BCAS3: variants seen among roughly 807,000 people sequenced by gnomAD.
BCAS3 encodes the protein BCAS4/BCAS3 fusion.
BCAS3 carries 53 observed loss-of-function variants against 116.1 expected under a neutral mutation model. That is an observed-to-expected ratio of 0.46 (90% CI 0.37 to 0.57). The LOEUF (loss-of-function observed/expected upper bound fraction) is 0.57, where lower values mean the gene tolerates loss of function less well. BCAS3 is among the 20% of genes least tolerant of loss of function. The pLI is 0.00. For synonymous variants in BCAS3, 391 were observed against 408.2 expected (o/e 0.96, Z 0.51); for missense variants, 917 against 1,165.4 (o/e 0.79, Z 3.10).
chr17:60,875,962 T>C (rs1373530822), intron 9 of BCAS3, among the ~76,000 whole-genome samples: 4 of 152,026 alleles, frequency 2.6e-5, no homozygotes, highest in Non-Finnish European at 5.9e-5. Context: ...TTTTGAAGCA[T>C]ATTGCAGACA....
In BCAS3 at chr17:60,679,462, A is replaced by G. The variant is rs1007480337; in HGVS notation, c.5A>G (p.Asn2Ser). The G allele has an allele frequency of 3.7e-6, 6 of 1,612,912 alleles. No individual in the cohort carries two copies. In the African/African-American group the frequency reaches 8.0e-5, roughly 22 times the overall value. The change falls in exon 2 of 24, where the codon AAT (asparagine) becomes AGT (serine). Residue 2 changes from asparagine (N) to serine (S), a missense_variant. Asn to Ser is a conservative substitution (Grantham distance 46). This residue lies in a region of BCAS3 where 807 missense variants were observed against 1,026.0 expected (regional missense o/e 0.79). Transcript: ENST00000407086. M[N>S]EAMATDSPRR... ...TTTGTTCTGGAAACAGGTTTTATGAATGAAGCTATGGCTACAGATTCCCCA... is the reference window on the plus strand; with the variant it reads ...TTTGTTCTGGAAACAGGTTTTATGAGTGAAGCTATGGCTACAGATTCCCCA...
At chr17:60,726,204 A>AATTTT (rs781199537) in intron 5 of BCAS3, among the ~76,000 whole-genome samples, 3 of 109,578 alleles carry the variant, frequency 2.7e-5, no homozygotes, top group Non-Finnish European at 5.7e-5. Flanking sequence ...CAGAGGGAGG[A>AATTTT]TTTTTTTTTT....
chr17:60,918,629 C>G (rs1038238417), intron 12 of BCAS3, among the ~76,000 whole-genome samples: 3 of 151,274 alleles, frequency 2.0e-5, no homozygotes, highest in African/African-American at 7.3e-5. Flanking sequence ...GTTTGAAAGG[C>G]CTGTCTGTCA....
At chr17:60,818,497 CTTCTT>C (rs1285310779) in intron 7 of BCAS3, among the ~76,000 whole-genome samples, 1 of 152,128 alleles carries the variant, frequency 6.6e-6, no homozygotes, top group African/African-American at 2.4e-5. Flanking sequence ...GTATGTGACT[CTTCTT>C]TTTGTCATGA....
intron 15 of BCAS3, among the ~76,000 whole-genome samples, chr17:60,991,921 T>A (rs1278202699): frequency 6.6e-6 from 1 of 152,168 alleles, no homozygotes; most frequent in Non-Finnish European, 1.5e-5. Flanking sequence ...TTGAAGTTCA[T>A]CCACATTGTA....
chr17:61,024,116 G>A (rs560542564), intron 16 of BCAS3, among the ~76,000 whole-genome samples: 1 of 152,218 alleles, frequency 6.6e-6, no homozygotes, highest in South Asian at 2.1e-4. Flanking sequence ...AAGACAGCTG[G>A]ATCATGGATT....
chr17:61,194,297 T>C (rs1464688821), intron 22 of BCAS3, among the ~76,000 whole-genome samples: 1 of 152,226 alleles, frequency 6.6e-6, no homozygotes, highest in Non-Finnish European at 1.5e-5. Flanking sequence ...CATGGCCTTG[T>C]AATGTCACAG....
At chr17:60,687,630 A>C (rs1227609071) in intron 3 of BCAS3, among the ~76,000 whole-genome samples, 3 of 152,110 alleles carry the variant, frequency 2.0e-5, no homozygotes, top group Admixed American at 6.6e-5. Context: ...GAAACCCAAA[A>C]ACAACTTTTT....
chr17:60,851,726 A>T (rs1482752470), intron 7 of BCAS3: 1 of 878,652 alleles, frequency 1.1e-6, no homozygotes, highest in East Asian at 2.4e-5. Context: ...GCAGGAGAGA[A>T]AGAAGCCAAG....
chr17:60,762,089 T>C (rs907841342), intron 6 of BCAS3, among the ~76,000 whole-genome samples: 1 of 152,186 alleles, frequency 6.6e-6, no homozygotes, highest in Admixed American at 6.5e-5. Context: ...TTAAGTTCTT[T>C]GTAGGTTCTA....
intron 14 of BCAS3, among the ~76,000 whole-genome samples, chr17:60,957,081 T>C (rs1243161613): frequency 1.1e-4 from 16 of 152,168 alleles, no homozygotes; most frequent in Admixed American, 1.0e-3. Flanking sequence ...GTAAGAAAAA[T>C]AGTCCTTGTT....
At position 61,098,625 on chromosome 17, in the gene BCAS3, T is replaced by G. The variant is rs1388098694; in HGVS notation, c.2425+14061T>G. Among the ~76,000 whole-genome samples the G allele has an allele frequency of 6.6e-6, 1 of 152,132 alleles. No individual in the cohort carries two copies. The highest frequency in any genetic ancestry group is 2.4e-5 in the African/African-American group (1 of 41,426). ...TAAGTGGTATGCTGCAAAAAGGAAT[T>G]CGGTTAGCAGATTTTATGGCATCCA... On this transcript the variant is annotated intron_variant, in intron 22 of 23. Coordinates refer to ENST00000407086, the MANE Select transcript of BCAS3 (RefSeq NM_017679.5). The surrounding 1 kb of genome is among the most constrained non-coding windows in gnomAD (Gnocchi z 4.2).
chr17:60,887,938 A>T (rs1209098286), intron 9 of BCAS3, among the ~76,000 whole-genome samples: 1 of 152,212 alleles, frequency 6.6e-6, no homozygotes, highest in Admixed American at 6.5e-5. Flanking sequence ...GAATTCTTTT[A>T]ACATCCAGTT....
At chr17:61,317,271 A>G (rs190238139) in intron 22 of BCAS3, among the ~76,000 whole-genome samples, 1 of 152,356 alleles carries the variant, frequency 6.6e-6, no homozygotes, top group East Asian at 1.9e-4. Context: ...TAGAAAGGCC[A>G]GAGAGAGGGG....
chr17:60,819,196 A>C (rs1374971458), intron 7 of BCAS3, among the ~76,000 whole-genome samples: 2 of 152,174 alleles, frequency 1.3e-5, no homozygotes, highest in Admixed American at 1.3e-4. Flanking sequence ...TTAATTACTT[A>C]AAGCAAATTT....
intron 23 of BCAS3, among the ~76,000 whole-genome samples, chr17:61,373,758 T>G (rs1397759170): frequency 7.5e-6 from 1 of 133,244 alleles, no homozygotes; most frequent in African/African-American, 2.6e-5. Flanking sequence ...TTGATGCATC[T>G]CTGTTGCAGG....
intron 22 of BCAS3, among the ~76,000 whole-genome samples, chr17:61,298,028 A>G (rs1014343156): frequency 1.3e-5 from 2 of 152,186 alleles, no homozygotes; most frequent in South Asian, 2.1e-4. Flanking sequence ...TGGGCAAGTC[A>G]TAGGTTTCTC....
chr17:61,080,008 G>A (rs868530421), intron 21 of BCAS3, among the ~76,000 whole-genome samples: 6 of 148,314 alleles, frequency 4.0e-5, no homozygotes, highest in South Asian at 4.3e-4. Flanking sequence ...GTATTCAAGC[G>A]ATTCTCCTAC....
chr17:61,269,183 C>T (rs896925140), intron 22 of BCAS3, among the ~76,000 whole-genome samples: 2 of 149,558 alleles, frequency 1.3e-5, no homozygotes, highest in Non-Finnish European at 3.0e-5. Flanking sequence ...GCTGTGATCT[C>T]GGCTCACCAC....
Sources: allele counts gnomAD v4.1 joint callset (sites outside exome capture counted in the v4.1 genomes callset), GRCh38; gene constraint gnomAD v4.1.1; regional missense constraint gnomAD v4.1.1; non-coding constraint Gnocchi (gnomAD v3.1); transcripts MANE v1.5; gene names NCBI Gene and HGNC (gene_info 2026-07-23, HGNC 2026-07-21).